Variants in UTS2 observed in about 807,000 individuals in gnomAD.
UTS2 encodes the protein urotensin-2.
UTS2 carries 10 observed loss-of-function variants against 12.6 expected under a neutral mutation model. The observed-to-expected ratio is 0.80, with a 90% CI of 0.49 to 1.35. The LOEUF is 1.35. Ranked by LOEUF, UTS2 falls within the 40% of genes most tolerant of loss-of-function variation. UTS2 has a pLI of 0.00. For synonymous variants in UTS2, 52 were observed against 50.0 expected (o/e 1.04, Z -0.17); for missense variants, 142 against 143.2 (o/e 0.99, Z 0.04).
chr1:7,866,030 G>A, the UTS2 span, among the ~76,000 whole-genome samples: 3 of 152,196 alleles, frequency 2.0e-5, no homozygotes, highest in Non-Finnish European at 4.4e-5. The surrounding 1 kb of genome is among the most constrained non-coding windows in gnomAD (Gnocchi z 4.5). Context: ...TGACAGGTGG[G>A]GAGAGAAGCT....
rs3753498 is a variant in UTS2 at position 7,851,722 on chromosome 1, A to C, written c.104-800T>G. Among the ~76,000 whole-genome samples, 558 of 152,324 alleles carry C rather than the reference A, an allele frequency of 3.7e-3. 20 individuals are homozygous for C. The East Asian group carries it at 0.074, about 20-fold the overall frequency. On this transcript the variant is annotated intron_variant, in intron 1 of 3. Transcript: ENST00000361696. The stretch of plus-strand genomic sequence containing the variant: ...CAGAGCACATTCACAGCACTTCTAA[A>C]GACTGTTAATGAAAATCTATAAAAT...
chr1:7,906,429 A>AAAAAGAGAG, the UTS2 span, among the ~76,000 whole-genome samples: 1 of 131,572 alleles, frequency 7.6e-6, no homozygotes, highest in African/African-American at 2.8e-5. Context: ...GAAAGAAAGG[A>AAAAAGAGAG]AGAAAGAAAG....
chr1:7,893,586 G>T, the UTS2 span, among the ~76,000 whole-genome samples: 6 of 152,116 alleles, frequency 3.9e-5, no homozygotes, highest in Non-Finnish European at 8.8e-5. Context: ...GTGATGACAC[G>T]TCACAGACCC....
chr1:7,906,211 G>C, the UTS2 span, among the ~76,000 whole-genome samples: 1 of 151,960 alleles, frequency 6.6e-6, no homozygotes, highest in Non-Finnish European at 1.5e-5. Context: ...ATGATAAGTG[G>C]AGTAAATTAT....
chr1:7,865,020 C>T, the UTS2 span, among the ~76,000 whole-genome samples: 4 of 50,906 alleles, frequency 7.9e-5, 2 homozygotes, highest in Non-Finnish European at 1.9e-4. Context: ...CCTCCCACAG[C>T]GGTCCCTCTG....
At chr1:7,870,875 T>C in the UTS2 span, among the ~76,000 whole-genome samples, 3 of 152,240 alleles carry the variant, frequency 2.0e-5, no homozygotes, top group Admixed American at 6.5e-5. Context: ...ACTCGTTTCA[T>C]GAAACCATAA....
chr1:7,875,670 C>T, the UTS2 span, among the ~76,000 whole-genome samples: 1 of 152,134 alleles, frequency 6.6e-6, no homozygotes, highest in Non-Finnish European at 1.5e-5. Context: ...CCCAGCCCAC[C>T]CACTGCTGCT....
chr1:7,895,335 C>T, the UTS2 span, among the ~76,000 whole-genome samples: 1 of 151,720 alleles, frequency 6.6e-6, no homozygotes, highest in Non-Finnish European at 1.5e-5. Flanking sequence ...AGCCACTGCA[C>T]TCCAGCCTGG....
chr1:7,903,649 C>G, the UTS2 span, among the ~76,000 whole-genome samples: 1 of 135,758 alleles, frequency 7.4e-6, no homozygotes, highest in Non-Finnish European at 1.5e-5. Flanking sequence ...GTCGGCCTCT[C>G]AAAGTGCTGG....
At chr1:7,862,405 G>C in the UTS2 span, among the ~76,000 whole-genome samples, 1 of 151,418 alleles carries the variant, frequency 6.6e-6, no homozygotes, top group Non-Finnish European at 1.5e-5. Context: ...CTGAGGCTGG[G>C]TCAATTATTA....
the UTS2 span, among the ~76,000 whole-genome samples, chr1:7,868,860 C>G: frequency 6.6e-6 from 1 of 152,098 alleles, no homozygotes. Context: ...GAGGGTGAGA[C>G]CCCCATGATG....
upstream of UTS2, among the ~76,000 whole-genome samples, chr1:7,854,204 C>G (rs983776492): frequency 6.6e-6 from 1 of 151,896 alleles, no homozygotes; most frequent in Non-Finnish European, 1.5e-5. Context: ...ATTAGCCAGG[C>G]ATGGTGGCAC....
chr1:7,912,741 C>T, the UTS2 span, among the ~76,000 whole-genome samples: 3 of 152,084 alleles, frequency 2.0e-5, no homozygotes, highest in Non-Finnish European at 2.9e-5. Context: ...CACTGGGGCC[C>T]CCACAGAGTC....
the UTS2 span, among the ~76,000 whole-genome samples, chr1:7,906,672 C>T: frequency 6.6e-6 from 1 of 152,066 alleles, no homozygotes; most frequent in African/African-American, 2.4e-5. Flanking sequence ...ATATCAGCAC[C>T]ATGAATGCCA....
upstream of UTS2, among the ~76,000 whole-genome samples, chr1:7,855,867 T>G (rs1638294900): frequency 6.7e-6 from 1 of 150,230 alleles, no homozygotes; most frequent in Non-Finnish European, 1.5e-5. Flanking sequence ...CTCAGCTAGT[T>G]TTTTTTTTTT....
the UTS2 span, among the ~76,000 whole-genome samples, chr1:7,858,686 C>T: frequency 1.3e-5 from 2 of 152,128 alleles, no homozygotes; most frequent in Non-Finnish European, 2.9e-5. Context: ...AAGCAAGTCC[C>T]TATTCTCACG....
At chr1:7,898,645 T>A in the UTS2 span, among the ~76,000 whole-genome samples, 2 of 151,976 alleles carry the variant, frequency 1.3e-5, no homozygotes, top group African/African-American at 4.8e-5. Flanking sequence ...CCGGCTAATT[T>A]TTTTGTATTT....
chr1:7,871,216 T>A, the UTS2 span, among the ~76,000 whole-genome samples: 2 of 152,250 alleles, frequency 1.3e-5, no homozygotes, highest in Non-Finnish European at 2.9e-5. Flanking sequence ...CCATCATGCA[T>A]GCTCTTGTCT....
At chr1:7,860,740 A>G in the UTS2 span, among the ~76,000 whole-genome samples, 4 of 151,280 alleles carry the variant, frequency 2.6e-5, no homozygotes, top group African/African-American at 9.7e-5. Flanking sequence ...GGACTAAATT[A>G]TGTTTAAAAG....
Sources: gnomAD v4.1 joint callset for allele counts (sites outside exome capture counted in the v4.1 genomes callset) on GRCh38, gnomAD v4.1.1 for gene constraint, Gnocchi (gnomAD v3.1) non-coding constraint, MANE v1.5 for transcripts, NCBI Gene and HGNC (gene_info 2026-07-23, HGNC 2026-07-21) for gene names.